The following TGFBRAP1 variants were observed in gnomAD, a reference collection of about 807,000 sequenced individuals.
The protein encoded by TGFBRAP1 is transforming growth factor-beta receptor-associated protein 1.
A neutral mutation model predicts 83.2 loss-of-function variants in TGFBRAP1; 20 were observed. The ratio of observed to expected loss-of-function variants is 0.24; its 90% CI spans 0.17 to 0.35. The LOEUF is 0.35. TGFBRAP1 is among the 10% of genes least tolerant of loss of function. TGFBRAP1 has a pLI of 1.00. For synonymous variants in TGFBRAP1, 415 were observed against 459.8 expected (o/e 0.90, Z 1.25); for missense variants, 950 against 1,099.4 (o/e 0.86, Z 1.92).
At chr2:105,324,294 A>C (rs1679159165) in intron 1 of TGFBRAP1, 1 of 152,254 alleles carries the variant, frequency 6.6e-6, no homozygotes, top group Non-Finnish European at 1.5e-5. Flanking sequence ...AGGTAAGTCC[A>C]AAATTACTTC....
chr2:105,253,219 G>A, the TGFBRAP1 span, among the ~76,000 whole-genome samples: 1 of 151,876 alleles, frequency 6.6e-6, no homozygotes, highest in Non-Finnish European at 1.5e-5. Flanking sequence ...TGCAACCTCC[G>A]CCTCCCGGGT....
chr2:105,290,641 G>GTGTGTGTA (rs1677878034), intron 4 of TGFBRAP1, among the ~76,000 whole-genome samples: 1 of 151,376 alleles, frequency 6.6e-6, no homozygotes, highest in African/African-American at 2.4e-5. Context: ...GTGTGTGTGT[G>GTGTGTGTA]TGTGTGTGTG....
At chr2:105,315,575 G>A (rs1489874307) in intron 1 of TGFBRAP1, among the ~76,000 whole-genome samples, 2 of 152,018 alleles carry the variant, frequency 1.3e-5, no homozygotes, top group African/African-American at 2.4e-5. Context: ...TTCACAAAAG[G>A]CATATGAATG....
chr2:105,302,668 G>C (rs1297106530), intron 2 of TGFBRAP1, among the ~76,000 whole-genome samples: 1 of 152,184 alleles, frequency 6.6e-6, no homozygotes, highest in Non-Finnish European at 1.5e-5. Flanking sequence ...CTATGGGAGA[G>C]GGAGACTTGG....
intron 1 of TGFBRAP1, among the ~76,000 whole-genome samples, chr2:105,314,855 C>T (rs1320419369): frequency 6.7e-6 from 1 of 149,276 alleles, no homozygotes; most frequent in South Asian, 2.1e-4. Flanking sequence ...GAGGCTGAGG[C>T]AGGAGAATCG....
intron 6 of TGFBRAP1, among the ~76,000 whole-genome samples, chr2:105,278,496 G>C (rs1482239730): frequency 6.6e-6 from 1 of 152,138 alleles, no homozygotes; most frequent in African/African-American, 2.4e-5. Context: ...CAGAGTTCAA[G>C]AACCTGGGTT....
At chr2:105,291,085 C>T (rs1051666657) in intron 4 of TGFBRAP1, among the ~76,000 whole-genome samples, 6 of 152,176 alleles carry the variant, frequency 3.9e-5, no homozygotes, top group Non-Finnish European at 8.8e-5. Context: ...ATGCTTGTGT[C>T]TGTGTCTCCC....
In TGFBRAP1 at chr2:105,297,130, C is replaced by T. The variant is rs188234080; in HGVS notation, c.884-620G>A. Among the ~76,000 whole-genome samples, 83 of 152,288 alleles carry T rather than the reference C, an allele frequency of 5.5e-4. 1 individual carries two copies. Among genetic ancestry groups the T allele is most frequent in the African/African-American group, 2.0e-3 (82 of 41,562 alleles). On this transcript the variant is annotated intron_variant, in intron 3 of 11. Transcript: ENST00000393359. ...CAGGTAGTCTGTGGAAGAGTCAGAA[C>T]TGCAGTCCAAGACTAGCTCCTACTA... is the stretch of plus-strand genomic sequence containing the variant.
chr2:105,305,921 C>A (rs995787633), intron 2 of TGFBRAP1, among the ~76,000 whole-genome samples: 1 of 152,170 alleles, frequency 6.6e-6, no homozygotes, highest in Non-Finnish European at 1.5e-5. Flanking sequence ...TCCCAAAGTG[C>A]TGGGATTACA....
chr2:105,262,694 T>C (rs1676817173), downstream of TGFBRAP1, among the ~76,000 whole-genome samples: 1 of 152,192 alleles, frequency 6.6e-6, no homozygotes, highest in Non-Finnish European at 1.5e-5. Context: ...GCTCGTCCTG[T>C]TGAGTTGCGT....
chr2:105,296,756 CTTTTTTTTTTTTTT>C (rs60031957), intron 3 of TGFBRAP1, among the ~76,000 whole-genome samples: 5 of 73,226 alleles, frequency 6.8e-5, no homozygotes, highest in African/African-American at 1.5e-4. Flanking sequence ...CTTTTTTTGC[CTTTTTTTTTTTTTT>C]TTTTTTTTTT....
At chr2:105,320,053 G>A (rs1481394311) in intron 1 of TGFBRAP1, among the ~76,000 whole-genome samples, 1 of 152,104 alleles carries the variant, frequency 6.6e-6, no homozygotes, top group East Asian at 1.9e-4. Flanking sequence ...CTCTTTACCA[G>A]TAATTATTCT....
chr2:105,319,106 G>A (rs1259706073), intron 1 of TGFBRAP1, among the ~76,000 whole-genome samples: 2 of 152,026 alleles, frequency 1.3e-5, no homozygotes, highest in Non-Finnish European at 2.9e-5. Context: ...CATCACATAG[G>A]CTGGAGTGCA....
intron 3 of TGFBRAP1, 30 bp downstream of exon 3, chr2:105,298,481 T>C (rs1678159294): frequency 6.5e-7 from 1 of 1,538,246 alleles, no homozygotes; most frequent in Non-Finnish European, 8.8e-7. Context: ...GTTAAGTAAA[T>C]TTCACTAAGA....
chr2:105,302,105 T>C (rs559371808), intron 2 of TGFBRAP1, among the ~76,000 whole-genome samples: 2 of 150,788 alleles, frequency 1.3e-5, no homozygotes, highest in Admixed American at 6.6e-5. Context: ...TGTTCAACCA[T>C]GCACATAAAC....
rs892024181 is a variant in TGFBRAP1 at position 105,269,466 on chromosome 2, C to A, written c.2212G>T (p.Val738Leu). ...PTAHELAVAA[V>L]DLLNRHATEF... ...GTGGCGTGGCGGTTCAGCAGGTCCA[C>A]GGCAGCCACGGCCAGCTCGTGGGCA... is the stretch of plus-strand genomic sequence containing the variant. Residue 738 changes from valine (V) to leucine (L), a missense_variant, in exon 11 of 12, where the codon GTG becomes TTG. Physicochemically the swap from Val to Leu is conservative, Grantham distance 32 (BLOSUM62 1). Transcript: ENST00000393359. The surrounding 1 kb of genome is among the most constrained non-coding windows in gnomAD (Gnocchi z 4.1). 6.2e-7 allele frequency: 1 copy of A among 1,612,734 alleles called. No individual in the cohort carries two copies. The highest frequency in any genetic ancestry group is 1.3e-5 in the African/African-American group (1 of 74,842).
intron 2 of TGFBRAP1, among the ~76,000 whole-genome samples, chr2:105,307,202 C>G (rs192775795): frequency 1.3e-5 from 2 of 152,208 alleles, no homozygotes; most frequent in African/African-American, 4.8e-5. Context: ...TCTCAGCATC[C>G]CACTCTGCCT....
At chr2:105,308,950 G>A (rs2104396167) in intron 1 of TGFBRAP1, among the ~76,000 whole-genome samples, 1 of 152,296 alleles carries the variant, frequency 6.6e-6, no homozygotes, top group Middle Eastern at 3.4e-3. Context: ...AATAAGGCAG[G>A]CGCATCAGCC....
chr2:105,270,206 A>T (rs565230144), intron 10 of TGFBRAP1, among the ~76,000 whole-genome samples: 2 of 152,192 alleles, frequency 1.3e-5, no homozygotes, highest in Non-Finnish European at 2.9e-5. Flanking sequence ...ATATGAGCTC[A>T]TATTATTCAA....
Sources: gnomAD v4.1 joint callset for allele counts (sites outside exome capture counted in the v4.1 genomes callset) on GRCh38, gnomAD v4.1.1 for gene constraint, Gnocchi (gnomAD v3.1) non-coding constraint, MANE v1.5 for transcripts, NCBI Gene and HGNC (gene_info 2026-07-23, HGNC 2026-07-21) for gene names.